The following HIPK2 variants were observed in gnomAD, a reference collection of about 807,000 sequenced individuals.
HIPK2 encodes the protein homeodomain interacting protein kinase 2, also known as homeodomain-interacting protein kinase 2.
In HIPK2, 27 loss-of-function variants were observed where a neutral mutation model predicts 113.7. The ratio of observed to expected loss-of-function variants is 0.24; its 90% confidence interval spans 0.17 to 0.33. HIPK2 has a LOEUF of 0.33. Among genes scored for constraint, HIPK2 ranks in the 10% least tolerant of loss-of-function variants. The pLI, the probability that HIPK2 is intolerant of heterozygous loss-of-function variation, is 1.00. For missense variants in HIPK2, 1,257 were observed against 1,588.0 expected, an observed-to-expected ratio of 0.79 and a Z score of 3.54; for synonymous variants, 631 against 642.2, an observed-to-expected ratio of 0.98 and a Z score of 0.26.
chr7:139,768,908 A>C (rs1476767706), intron 1 of HIPK2, among the ~76,000 whole-genome samples: 1 of 152,218 alleles, frequency 6.6e-6, no homozygotes, highest in Non-Finnish European at 1.5e-5. Context: ...CCCAGCACAC[A>C]TAACATTGGA....
intron 2 of HIPK2, among the ~76,000 whole-genome samples, chr7:139,682,958 A>T (rs1794092899): frequency 6.6e-6 from 1 of 152,210 alleles, no homozygotes; most frequent in Non-Finnish European, 1.5e-5. Context: ...AGTGGGGTGG[A>T]GCAAGAGAGG....
intron 2 of HIPK2, among the ~76,000 whole-genome samples, chr7:139,674,852 A>G (rs1802439902): frequency 6.6e-6 from 1 of 152,194 alleles, no homozygotes; most frequent in Non-Finnish European, 1.5e-5. Flanking sequence ...AAGATGTAAA[A>G]GAGGTGCCAC....
intron 1 of HIPK2, among the ~76,000 whole-genome samples, chr7:139,755,562 C>CT (rs893944756): frequency 2.0e-5 from 3 of 152,254 alleles, no homozygotes; most frequent in Non-Finnish European, 4.4e-5. Context: ...CCACCTAACT[C>CT]TTTTTCCCTG....
chr7:139,589,051 G>C (rs1288472732), intron 12 of HIPK2, among the ~76,000 whole-genome samples: 3 of 152,210 alleles, frequency 2.0e-5, no homozygotes, highest in Non-Finnish European at 4.4e-5. Context: ...GAGGACCCCA[G>C]GTGAGGATGG....
chr7:139,617,664 G>C (rs1800103778), intron 7 of HIPK2, among the ~76,000 whole-genome samples: 1 of 152,186 alleles, frequency 6.6e-6, no homozygotes, highest in Admixed American at 6.5e-5. Flanking sequence ...GCTGCCTTGA[G>C]ACTTAACGGG....
intron 1 of HIPK2, among the ~76,000 whole-genome samples, chr7:139,735,246 T>C (rs1795905097): frequency 6.6e-6 from 1 of 152,230 alleles, no homozygotes; most frequent in Non-Finnish European, 1.5e-5. Context: ...CTGTGCTAAA[T>C]AAGCAACTTT....
In HIPK2 at chr7:139,564,592, G is replaced by T. The variant is rs186411867; in HGVS notation, c.*8335C>A. 1 of 152,268 alleles carries T rather than the reference G, an allele frequency of 6.6e-6. No homozygotes were observed. Among genetic ancestry groups the T allele is most frequent in the Admixed American group, 6.5e-5 (1 of 15,300 alleles). 9.4% of individuals were successfully genotyped at this position (152,268 alleles called of 1,614,324 possible). A position where few individuals can be genotyped will look rare whatever the true frequency, so the allele number is the denominator to read the frequency against. On this transcript the variant is annotated 3_prime_UTR_variant, in exon 15 of 15. Coordinates refer to ENST00000406875, the MANE Select transcript of HIPK2 (RefSeq NM_022740.5). ...GCCTTTCATGTTCTCTTGAGTTCAC[G>T]TGGAAAGTAATAATCCAGAGGGAAG...
At chr7:139,576,595 C>T (rs1798499929) in intron 13 of HIPK2, among the ~76,000 whole-genome samples, 1 of 152,220 alleles carries the variant, frequency 6.6e-6, no homozygotes, top group African/African-American at 2.4e-5. Flanking sequence ...TTCTGAGCTC[C>T]TGCCCTGTGC....
intron 1 of HIPK2, among the ~76,000 whole-genome samples, chr7:139,740,182 G>A (rs1183671610): frequency 1.3e-5 from 2 of 152,302 alleles, no homozygotes; most frequent in Non-Finnish European, 1.5e-5. Context: ...GCGCACAGAA[G>A]GCCCTTCTGC....
intron 2 of HIPK2, among the ~76,000 whole-genome samples, chr7:139,688,648 C>G (rs1794302282): frequency 6.6e-6 from 1 of 152,134 alleles, no homozygotes; most frequent in Non-Finnish European, 1.5e-5. Flanking sequence ...TCAAGTCCTC[C>G]CCTGAATAAT....
In HIPK2 at chr7:139,700,772, C is replaced by T. The variant is rs1021094261; in HGVS notation, c.1103+15160G>A. Among the ~76,000 whole-genome samples the T allele has an allele frequency of 7.1e-3, 1,076 of 152,280 alleles. 16 individuals are homozygous for T. Among genetic ancestry groups the T allele is most frequent in the African/African-American group, 0.023 (953 of 41,548 alleles). On this transcript the variant is annotated intron_variant, in intron 2 of 14. Coordinates refer to ENST00000406875, the MANE Select transcript of HIPK2 (RefSeq NM_022740.5). Reference sequence around the variant, plus strand: ...TCCTGTTCCTATGCTCTCACTCAAACGGGGTGTGCCCAGAAGAGATGGTCT... The same window carrying T: ...TCCTGTTCCTATGCTCTCACTCAAATGGGGTGTGCCCAGAAGAGATGGTCT...
At chr7:139,643,458 C>T (rs146888732) in intron 2 of HIPK2, among the ~76,000 whole-genome samples, 156 of 152,220 alleles carry the variant, frequency 1.0e-3, no homozygotes, top group African/African-American at 3.6e-3. Flanking sequence ...CTCTGCTAAG[C>T]GTAGCACCAA....
In HIPK2 at chr7:139,714,112, C is replaced by A. The variant is rs1390852565; in HGVS notation, c.1103+1820G>T. ...GAGCAAGTGGAGGGGCAGCAGTAGACCCGTCTGTCCGCACGGGGCCTGGTG... is the reference window on the plus strand; with the variant it reads ...GAGCAAGTGGAGGGGCAGCAGTAGAACCGTCTGTCCGCACGGGGCCTGGTG... On this transcript the variant is annotated intron_variant, in intron 2 of 14. Coordinates refer to ENST00000406875, the MANE Select transcript of HIPK2 (RefSeq NM_022740.5). The surrounding 1 kb of genome is among the most constrained non-coding windows in gnomAD (Gnocchi z 4.2). Among the ~76,000 whole-genome samples the A allele has an allele frequency of 1.3e-5, 2 of 152,166 alleles. No homozygotes were observed. Among genetic ancestry groups the A allele is most frequent in the African/African-American group, 2.4e-5 (1 of 41,440 alleles).
intron 2 of HIPK2, among the ~76,000 whole-genome samples, chr7:139,678,460 A>G (rs1488473673): frequency 6.6e-6 from 1 of 152,244 alleles, no homozygotes; most frequent in Non-Finnish European, 1.5e-5. Context: ...AGTTTTTGAC[A>G]GGTCTGTCGG....
intron 1 of HIPK2, among the ~76,000 whole-genome samples, chr7:139,732,819 A>ATATGTG (rs563587879): frequency 1.4e-4 from 20 of 145,000 alleles, no homozygotes; most frequent in Non-Finnish European, 2.1e-4. Context: ...TTATATATAT[A>ATATGTG]TGTGTGTGTG....
chr7:139,769,841 T>C lies in HIPK2; in HGVS notation c.19+7764A>G, dbSNP rs142387360. ...CTGACTAGTGGAAGCATTTCTGTAATACATTAGAGAACCTCCCAGGCTCAG... is the reference window on the plus strand; with the variant it reads ...CTGACTAGTGGAAGCATTTCTGTAACACATTAGAGAACCTCCCAGGCTCAG... On this transcript the variant is annotated intron_variant, in intron 1 of 14. Transcript: ENST00000406875. 3.4e-3 allele frequency among the ~76,000 whole-genome samples: 524 copies of C among 152,348 alleles called. 4 individuals are homozygous for C. Among genetic ancestry groups the C allele is most frequent in the African/African-American group, 0.012 (497 of 41,578 alleles).
chr7:139,567,684 T>C lies in HIPK2; in HGVS notation c.*5243A>G, dbSNP rs1798135785. ...CAGGGAATGAAGCCTGCAAAGTCCC[T>C]GGGGCTGGAATGTCTTGTGGCCAAG... is the stretch of plus-strand genomic sequence containing the variant. On this transcript the variant is annotated 3_prime_UTR_variant, in exon 15 of 15. Coordinates refer to ENST00000406875, the MANE Select transcript of HIPK2 (RefSeq NM_022740.5). 1 of 152,246 alleles carries C rather than the reference T, an allele frequency of 6.6e-6. No homozygotes were observed. Among genetic ancestry groups the C allele is most frequent in the Non-Finnish European group, 1.5e-5 (1 of 68,086 alleles). 9.4% of individuals were successfully genotyped at this position (152,246 alleles called of 1,614,324 possible). A position where few individuals can be genotyped will look rare whatever the true frequency, so the allele number is the denominator to read the frequency against.
intron 2 of HIPK2, among the ~76,000 whole-genome samples, chr7:139,633,095 CAAA>C (rs942820284): frequency 1.6e-4 from 12 of 74,608 alleles, no homozygotes; most frequent in African/African-American, 4.1e-4. Flanking sequence ...GACCCTGTCT[CAAA>C]AAAAAAAAAA....
chr7:139,657,062 G>T (rs145678861), intron 2 of HIPK2, among the ~76,000 whole-genome samples: 18 of 152,190 alleles, frequency 1.2e-4, no homozygotes, highest in African/African-American at 4.1e-4. Flanking sequence ...ATAGAGACGG[G>T]GTTTCACCAC....
Sources: gnomAD v4.1 joint callset for allele counts (sites outside exome capture counted in the v4.1 genomes callset) on GRCh38, gnomAD v4.1.1 for gene constraint, Gnocchi (gnomAD v3.1) non-coding constraint, MANE v1.5 for transcripts, NCBI Gene and HGNC (gene_info 2026-07-23, HGNC 2026-07-21) for gene names.